LRP1B: variants seen among roughly 807,000 people sequenced by gnomAD.
The protein encoded by LRP1B is low-density lipoprotein receptor-related protein 1B.
LRP1B carries 217 observed loss-of-function variants against 556.6 expected under a neutral mutation model. The observed-to-expected ratio is 0.39, with a 90% confidence interval of 0.35 to 0.44. The LOEUF is 0.44. LRP1B is among the 20% of genes least tolerant of loss of function. The pLI is 1.00. For synonymous variants in LRP1B, 2,047 were observed against 1,865.8 expected (o/e 1.10, Z -2.50); for missense variants, 5,053 against 5,620.8 (o/e 0.90, Z 3.23).
At chr2:141,682,138 C>G (rs889091436) in intron 2 of LRP1B, among the ~76,000 whole-genome samples, 1 of 151,924 alleles carries the variant, frequency 6.6e-6, no homozygotes, top group Non-Finnish European at 1.5e-5. Flanking sequence ...CACTGGATGT[C>G]CCTTTGAGTT....
At chr2:141,890,048 C>T (rs910262979) in intron 1 of LRP1B, among the ~76,000 whole-genome samples, 7 of 150,270 alleles carry the variant, frequency 4.7e-5, no homozygotes, top group African/African-American at 1.7e-4. Context: ...CATTCTCCAC[C>T]CATCTCTAAT....
chr2:141,327,273 A>G (rs1687462507), intron 3 of LRP1B, among the ~76,000 whole-genome samples: 1 of 152,168 alleles, frequency 6.6e-6, no homozygotes, highest in African/African-American at 2.4e-5. Flanking sequence ...TACATGCATG[A>G]AGTTGAGCAA....
At chr2:141,484,144 G>A (rs974311210) in intron 2 of LRP1B, among the ~76,000 whole-genome samples, 9 of 149,668 alleles carry the variant, frequency 6.0e-5, no homozygotes, top group African/African-American at 2.2e-4. Context: ...TTTGTATAAG[G>A]TGTAAGTAAG....
intron 59 of LRP1B, among the ~76,000 whole-genome samples, chr2:140,484,938 G>A (rs537008502): frequency 1.3e-5 from 2 of 152,170 alleles, no homozygotes; most frequent in African/African-American, 4.8e-5. Context: ...ATGTCTCCTG[G>A]TATGAAGTGG....
chr2:141,094,654 G>A (rs1700251556), intron 7 of LRP1B, among the ~76,000 whole-genome samples: 1 of 152,126 alleles, frequency 6.6e-6, no homozygotes, highest in Non-Finnish European at 1.5e-5. Context: ...TCTAAGATGT[G>A]GCATTGCTAA....
intron 35 of LRP1B, among the ~76,000 whole-genome samples, chr2:140,719,594 T>C (rs190622788): frequency 6.6e-5 from 10 of 152,154 alleles, no homozygotes; most frequent in African/African-American, 1.9e-4. Flanking sequence ...AACTAGACCA[T>C]TAAATATTTC....
chr2:140,363,319 C>T (rs1682606125), intron 72 of LRP1B, among the ~76,000 whole-genome samples: 1 of 151,520 alleles, frequency 6.6e-6, no homozygotes, highest in Non-Finnish European at 1.5e-5. Context: ...TACAAGGTTT[C>T]CCATCTGTGC....
chr2:140,531,190 T>G (rs896450133), intron 47 of LRP1B, among the ~76,000 whole-genome samples: 14 of 152,236 alleles, frequency 9.2e-5, no homozygotes, highest in East Asian at 5.8e-4. Flanking sequence ...TTAAAATCTA[T>G]TTTCTGTATT....
At chr2:140,930,786 G>C (rs1250981576) in intron 20 of LRP1B, among the ~76,000 whole-genome samples, 2 of 152,094 alleles carry the variant, frequency 1.3e-5, no homozygotes, top group Non-Finnish European at 2.9e-5. Flanking sequence ...TCCTTGCTCT[G>C]TTCTTAGCTT....
At position 140,787,558 on chromosome 2, in the gene LRP1B, A is replaced by ATTTTTTTTTTTTT. The variant is rs756825067; in HGVS notation, c.5360-11333_5360-11321dup. ...CCTATCTTCCTGTTTAAAACAGAAGATTTTTTTTTTTTTTTTTTTTTTTTT... is the reference window on the plus strand; with the variant it reads ...CCTATCTTCCTGTTTAAAACAGAAGATTTTTTTTTTTTTTTTTTTTTTTTTTTTTTTTTTTTTT... On this transcript the variant is annotated intron_variant, in intron 32 of 90. Coordinates refer to ENST00000389484, the MANE Select transcript of LRP1B (RefSeq NM_018557.3). Among the ~76,000 whole-genome samples the ATTTTTTTTTTTTT allele has an allele frequency of 1.5e-3, 65 of 44,660 alleles. 9 individuals are homozygous for ATTTTTTTTTTTTT. In the East Asian group the frequency reaches 0.016, roughly 11 times the overall value. The allele number at this position is 44,660 out of a possible 152,430, so 29.3% of individuals were successfully genotyped here.
intron 7 of LRP1B, among the ~76,000 whole-genome samples, chr2:141,169,811 A>C (rs916122373): frequency 6.6e-6 from 1 of 151,584 alleles, no homozygotes; most frequent in Non-Finnish European, 1.5e-5. Flanking sequence ...AAAAAAAAAA[A>C]AAAAAAAAAA....
chr2:141,869,110 A>G (rs1324663614), intron 1 of LRP1B, among the ~76,000 whole-genome samples: 2 of 152,216 alleles, frequency 1.3e-5, no homozygotes, highest in East Asian at 1.9e-4. Flanking sequence ...TTGGACCACA[A>G]TTGCTATTTA....
rs939628723 is a variant in LRP1B, at chr2:140,615,056, A to G, written c.6800-13417T>C. ...TTGCTTGGGGCTCAGGAGTTATGTA[A>G]CAGAGGCCACAAGATTTATGTAACA... is the stretch of plus-strand genomic sequence containing the variant. On this transcript the variant is annotated intron_variant, in intron 41 of 90. Coordinates refer to ENST00000389484, the MANE Select transcript of LRP1B (RefSeq NM_018557.3). Among the ~76,000 whole-genome samples the G allele has an allele frequency of 5.3e-4, 81 of 152,146 alleles. 4 individuals are homozygous for G. The highest frequency in any genetic ancestry group is 5.3e-3 in the Admixed American group (81 of 15,266).
chr2:141,313,659 G>A lies in LRP1B; in HGVS notation c.344-59018C>T, dbSNP rs960929993. Reference sequence around the variant, plus strand: ...TAACTGGCAGCTTAAACTTCCAAAGGTGGTACTTAAGGGAGAATTCACTCC... The same window carrying A: ...TAACTGGCAGCTTAAACTTCCAAAGATGGTACTTAAGGGAGAATTCACTCC... On this transcript the variant is annotated intron_variant, in intron 3 of 90. Transcript: ENST00000389484. Among the ~76,000 whole-genome samples, 8 of 152,234 alleles carry A rather than the reference G, an allele frequency of 5.3e-5. No individual in the cohort carries two copies. In the East Asian group the frequency reaches 1.5e-3, roughly 29 times the overall value.
At chr2:141,347,691 G>A (rs72846052) in intron 3 of LRP1B, among the ~76,000 whole-genome samples, 14,979 of 151,872 alleles carry the variant, frequency 0.099, 913 homozygotes, top group South Asian at 0.17. Flanking sequence ...AAAAAAAGTA[G>A]CAGTACCCTA....
chr2:141,202,029 C>T (rs960848255), intron 6 of LRP1B, among the ~76,000 whole-genome samples: 2 of 151,538 alleles, frequency 1.3e-5, no homozygotes, highest in Non-Finnish European at 3.0e-5. Context: ...AAACATATGC[C>T]ATGATGGTTT....
intron 7 of LRP1B, among the ~76,000 whole-genome samples, chr2:141,100,649 G>A (rs1488975794): frequency 6.6e-6 from 1 of 152,096 alleles, no homozygotes; most frequent in Admixed American, 6.6e-5. Flanking sequence ...AAGGAAACCT[G>A]GCCTTTTATT....
intron 59 of LRP1B, among the ~76,000 whole-genome samples, chr2:140,483,640 A>ATATATATTTTT (rs1491228405): frequency 2.8e-5 from 2 of 70,748 alleles, no homozygotes; most frequent in African/African-American, 6.4e-5. Flanking sequence ...ATATATATAT[A>ATATATATTTTT]TTTTTTTTTT....
intron 7 of LRP1B, among the ~76,000 whole-genome samples, chr2:141,150,075 C>T (rs1018323166): frequency 6.6e-6 from 1 of 152,186 alleles, no homozygotes; most frequent in East Asian, 1.9e-4. Flanking sequence ...GAGGGAGGAG[C>T]AGTGGTGGTT....
Sources: gnomAD v4.1 joint callset for allele counts (sites outside exome capture counted in the v4.1 genomes callset) on GRCh38, gnomAD v4.1.1 for gene constraint, MANE v1.5 for transcripts, NCBI Gene and HGNC (gene_info 2026-07-23, HGNC 2026-07-21) for gene names.